Variants in MGAT4D observed in about 807,000 individuals in gnomAD.
MGAT4D encodes alpha-1,3-mannosyl-glycoprotein 4-beta-N-acetylglucosaminyltransferase-like protein MGAT4D.
Under a neutral mutation model 15.9 loss-of-function variants are expected in MGAT4D, and 34 were observed. The ratio of observed to expected loss-of-function variants is 2.14; its 90% CI spans 1.62 to 2.84. The LOEUF (loss-of-function observed/expected upper bound fraction) is 2.84. Among genes scored for constraint, MGAT4D ranks in the 30% most tolerant of loss-of-function variants. MGAT4D has a pLI of 0.00. For missense variants in MGAT4D, 327 were observed against 140.2 expected (o/e 2.33, Z -6.73); for synonymous variants, 112 against 48.2 (o/e 2.33, Z -5.49).
intron 3 of MGAT4D, among the ~76,000 whole-genome samples, chr4:140,479,239 T>C (rs1732536194): frequency 6.6e-6 from 1 of 152,252 alleles, no homozygotes; most frequent in African/African-American, 2.4e-5. Context: ...ACTTAATGTA[T>C]ATTTGACTTA....
At chr4:140,462,082 A>C in intron 6 of MGAT4D, 78 bp from the exon 7 acceptor site, 2 of 632,008 alleles carry the variant, frequency 3.2e-6, no homozygotes, top group Non-Finnish European at 5.7e-6. Context: ...TAATTAAAAA[A>C]CTCTTTGGCA....
chr4:140,468,642 T>C (rs929362914), intron 5 of MGAT4D, among the ~76,000 whole-genome samples: 4 of 151,756 alleles, frequency 2.6e-5, no homozygotes, highest in Non-Finnish European at 5.9e-5. Flanking sequence ...TATGAGAAGA[T>C]TTTTTAAGGG....
chr4:140,470,123 C>T (rs565709929), intron 5 of MGAT4D, among the ~76,000 whole-genome samples: 69 of 152,350 alleles, frequency 4.5e-4, no homozygotes, highest in African/African-American at 1.6e-3. Context: ...CTCTCCTTCC[C>T]GCTGCTGTGT....
At chr4:140,492,833 C>T (rs1170798690) in intron 1 of MGAT4D, among the ~76,000 whole-genome samples, 5 of 152,066 alleles carry the variant, frequency 3.3e-5, no homozygotes, top group South Asian at 4.2e-4. Context: ...ACTGAATAAC[C>T]GAAAGTGACC....
At chr4:140,445,056 A>AT (rs1553948650) in intron 10 of MGAT4D, among the ~76,000 whole-genome samples, 1 of 149,960 alleles carries the variant, frequency 6.7e-6, no homozygotes, top group African/African-American at 2.4e-5. Flanking sequence ...TAATGTTTGT[A>AT]TTTTTTTTAG....
chr4:140,471,417 G>A (rs1731953250), intron 5 of MGAT4D, among the ~76,000 whole-genome samples: 1 of 152,024 alleles, frequency 6.6e-6, no homozygotes, highest in Admixed American at 6.5e-5. Context: ...ACGTGCTTCG[G>A]CTGCTTACAG....
chr4:140,450,772 GC>G (rs748547684), intron 10 of MGAT4D, among the ~76,000 whole-genome samples: 14 of 152,168 alleles, frequency 9.2e-5, no homozygotes, highest in Non-Finnish European at 1.8e-4. Flanking sequence ...ACTCTTTGAA[GC>G]TTTTATAGAT....
chr4:140,477,549 G>A (rs1732417754), intron 3 of MGAT4D, among the ~76,000 whole-genome samples: 1 of 152,236 alleles, frequency 6.6e-6, no homozygotes, highest in African/African-American at 2.4e-5. Context: ...ATTATAGGCA[G>A]TGGTTAGCAC....
chr4:140,476,664 C>T (rs1732354404), intron 3 of MGAT4D, among the ~76,000 whole-genome samples: 1 of 152,184 alleles, frequency 6.6e-6, no homozygotes, highest in South Asian at 2.1e-4. Context: ...CCACACTTTT[C>T]GAATTGACCA....
Position 140,479,628 on chromosome 4 carries a change from C to G in MGAT4D, c.254-1G>C. 1 of 449,532 alleles carries G rather than the reference C, an allele frequency of 2.2e-6. No individual in the cohort carries two copies. The highest frequency in any genetic ancestry group is 3.2e-4 in the Middle Eastern group (1 of 3,098). 27.8% of individuals were successfully genotyped at this position (449,532 alleles called of 1,614,324 possible). ...TTTAATATGTCTGCTTTCTGTGCAA[C>G]TGAAAGAAAAAAATAATGCTTCTGA... On this transcript the variant is annotated splice_acceptor_variant, in intron 2 of 10. Transcript: ENST00000511113. LOFTEE classifies it high-confidence loss of function.
Position 140,459,569 on chromosome 4 carries a change from CT to C in MGAT4D, c.819del (p.Gly274ValfsTer19), listed in dbSNP as rs1191166454. Reference protein sequence around the residue: ...EMYFTKITDFVGNISSNNWFF... With the variant: ...EMYFTKITDFXGNISSNNWFF... Reference sequence around the variant, plus strand: ...AACCAATTATTTGAACTGATATTACCTACAAAATCTGTTATTTTTGTAAAGT... The same window carrying C: ...AACCAATTATTTGAACTGATATTACCACAAAATCTGTTATTTTTGTAAAGT... On this transcript the variant is annotated frameshift_variant, in exon 8 of 11. Coordinates refer to ENST00000511113, the MANE Select transcript of MGAT4D (RefSeq NM_001277353.2). LOFTEE classifies it high-confidence loss of function. The C allele has an allele frequency of 7.6e-6, 4 of 527,368 alleles. No homozygotes were observed. The highest frequency in any genetic ancestry group is 4.0e-5 in the African/African-American group (2 of 50,110). 32.7% of individuals were successfully genotyped at this position (527,368 alleles called of 1,614,324 possible). A position where few individuals can be genotyped will look rare whatever the true frequency, so the allele number is the denominator to read the frequency against.
chr4:140,474,568 G>C (rs551623355), intron 4 of MGAT4D, among the ~76,000 whole-genome samples: 1 of 152,114 alleles, frequency 6.6e-6, no homozygotes, highest in Non-Finnish European at 1.5e-5. Flanking sequence ...TTCAAATTTA[G>C]CAATCTTATA....
chr4:140,452,827 T>A (rs1730556461), intron 9 of MGAT4D, among the ~76,000 whole-genome samples: 1 of 152,132 alleles, frequency 6.6e-6, no homozygotes, highest in African/African-American at 2.4e-5. Context: ...CACCCAGCCC[T>A]AGGTCCTGAA....
At chr4:140,463,803 G>A (rs1322481512) in intron 6 of MGAT4D, among the ~76,000 whole-genome samples, 20 of 152,154 alleles carry the variant, frequency 1.3e-4, no homozygotes, top group Non-Finnish European at 4.4e-5. Context: ...TGATTGCAAG[G>A]TTGGCAGACC....
At chr4:140,459,756 T>C (rs139357394) in intron 7 of MGAT4D, 130 bp from the exon 8 acceptor site, 56 of 331,618 alleles carry the variant, frequency 1.7e-4, no homozygotes, top group African/African-American at 1.2e-3. Flanking sequence ...ATAATTTTAT[T>C]TCAGTTTCAA....
intron 6 of MGAT4D, among the ~76,000 whole-genome samples, chr4:140,463,160 G>A (rs1000903276): frequency 6.6e-6 from 1 of 152,114 alleles, no homozygotes; most frequent in Non-Finnish European, 1.5e-5. Context: ...CGAAGCAGTG[G>A]GAAGAGCCCT....
chr4:140,448,161 G>A (rs529301030), intron 10 of MGAT4D, among the ~76,000 whole-genome samples: 3 of 152,068 alleles, frequency 2.0e-5, no homozygotes, highest in Non-Finnish European at 4.4e-5. Context: ...TTTGACTTCC[G>A]TAAATCGGAT....
chr4:140,461,023 A>C (rs1356909151), intron 7 of MGAT4D, among the ~76,000 whole-genome samples: 1 of 152,192 alleles, frequency 6.6e-6, no homozygotes, highest in African/African-American at 2.4e-5. Context: ...AAGCCTAAAA[A>C]TATCCTCCAT....
At chr4:140,443,826 A>G (rs1242862923) in intron 10 of MGAT4D, among the ~76,000 whole-genome samples, 2 of 152,178 alleles carry the variant, frequency 1.3e-5, no homozygotes, top group African/African-American at 2.4e-5. Flanking sequence ...AGGGTAATTT[A>G]AAGTGAAAAC....
Sources: gnomAD v4.1 joint callset for allele counts (sites outside exome capture counted in the v4.1 genomes callset) on GRCh38, gnomAD v4.1.1 for gene constraint, MANE v1.5 for transcripts, NCBI Gene and HGNC (gene_info 2026-07-23, HGNC 2026-07-21) for gene names.